SORCS3: variants seen among roughly 807,000 people sequenced by gnomAD.
The protein encoded by SORCS3 is sortilin related VPS10 domain containing receptor 3, also known as VPS10 domain-containing receptor SorCS3.
In SORCS3, 57 loss-of-function variants were observed where a neutral mutation model predicts 146.3. The observed-to-expected ratio is 0.39, with a 90% CI of 0.31 to 0.49. The LOEUF is 0.49. Ranked by LOEUF, SORCS3 falls within the 20% of genes least tolerant of loss-of-function variation. The pLI is 0.92. For synonymous variants in SORCS3, 653 were observed against 618.5 expected (o/e 1.06, Z -0.83); for missense variants, 1,341 against 1,575.5 (o/e 0.85, Z 2.52).
intron 5 of SORCS3, among the ~76,000 whole-genome samples, chr10:105,084,357 A>G (rs548149911): frequency 1.3e-5 from 2 of 152,340 alleles, no homozygotes; most frequent in South Asian, 4.1e-4. Flanking sequence ...ATTATTATAT[A>G]TACTTTCCCA....
intron 1 of SORCS3, among the ~76,000 whole-genome samples, chr10:104,767,233 G>T (rs1172665675): frequency 6.6e-6 from 1 of 152,182 alleles, no homozygotes; most frequent in African/African-American, 2.4e-5. Flanking sequence ...TTTACATAGA[G>T]AAAATGATCA....
At chr10:104,785,039 C>G (rs2017416467) in intron 1 of SORCS3, among the ~76,000 whole-genome samples, 1 of 152,050 alleles carries the variant, frequency 6.6e-6, no homozygotes, top group Non-Finnish European at 1.5e-5. Flanking sequence ...AGAGGCGCCC[C>G]TCACCTCCCG....
At chr10:104,814,248 G>T (rs2017771990) in intron 1 of SORCS3, among the ~76,000 whole-genome samples, 1 of 152,106 alleles carries the variant, frequency 6.6e-6, no homozygotes, top group African/African-American at 2.4e-5. Flanking sequence ...CCTACCTGCA[G>T]TGAGTAGTAT....
intron 1 of SORCS3, among the ~76,000 whole-genome samples, chr10:104,820,158 A>G (rs1022946921): frequency 6.6e-5 from 10 of 152,304 alleles, no homozygotes; most frequent in Middle Eastern, 3.4e-3. Flanking sequence ...TTGAAACATT[A>G]GGAGGGAACA....
At chr10:104,907,830 G>C (rs1016319875) in intron 2 of SORCS3, among the ~76,000 whole-genome samples, 5 of 152,228 alleles carry the variant, frequency 3.3e-5, no homozygotes, top group African/African-American at 1.2e-4. Context: ...TACCCACTTG[G>C]AGAATGAAGC....
intron 14 of SORCS3, among the ~76,000 whole-genome samples, chr10:105,192,972 T>C (rs1260131882): frequency 6.6e-6 from 1 of 152,210 alleles, no homozygotes; most frequent in East Asian, 1.9e-4. Context: ...TGTGGCATTC[T>C]TTCCACCTAA....
At chr10:104,676,556 C>T (rs1438931887) in intron 1 of SORCS3, among the ~76,000 whole-genome samples, 1 of 152,110 alleles carries the variant, frequency 6.6e-6, no homozygotes, top group Non-Finnish European at 1.5e-5. Context: ...CTCCTATGTT[C>T]CAGGTGCTCT....
At chr10:105,133,931 C>A (rs1338387256) in intron 7 of SORCS3, among the ~76,000 whole-genome samples, 2 of 152,112 alleles carry the variant, frequency 1.3e-5, no homozygotes, top group African/African-American at 2.4e-5. Context: ...GCACTCTAGC[C>A]TGGGTGACAG....
chr10:105,158,246 A>G (rs2056229438), intron 10 of SORCS3, among the ~76,000 whole-genome samples: 1 of 151,216 alleles, frequency 6.6e-6, no homozygotes, highest in African/African-American at 2.4e-5. Flanking sequence ...TCTTATTTGT[A>G]TTTGTTGTAC....
intron 6 of SORCS3, among the ~76,000 whole-genome samples, chr10:105,095,208 A>T (rs1442226880): frequency 6.6e-6 from 1 of 152,196 alleles, no homozygotes; most frequent in East Asian, 1.9e-4. Context: ...TCTCTGGAGC[A>T]CAAGGCAGCT....
At chr10:104,844,183 G>A (rs1163639610) in intron 2 of SORCS3, among the ~76,000 whole-genome samples, 1 of 152,154 alleles carries the variant, frequency 6.6e-6, no homozygotes, top group Non-Finnish European at 1.5e-5. Flanking sequence ...AGAGGTATAA[G>A]TAACTAGCAT....
chr10:104,725,257 C>T (rs1589474256), intron 1 of SORCS3, among the ~76,000 whole-genome samples: 1 of 152,180 alleles, frequency 6.6e-6, no homozygotes, highest in South Asian at 2.1e-4. Context: ...ACCCTGTTTG[C>T]CTGGGTATCA....
chr10:105,177,523 T>C (rs993629820), intron 13 of SORCS3, among the ~76,000 whole-genome samples: 9 of 152,160 alleles, frequency 5.9e-5, no homozygotes, highest in Admixed American at 2.0e-4. Context: ...GGATGAAAGA[T>C]GAGGCAGTGT....
chr10:105,084,634 T>G (rs919698525), intron 5 of SORCS3, among the ~76,000 whole-genome samples: 1 of 152,142 alleles, frequency 6.6e-6, no homozygotes, highest in African/African-American at 2.4e-5. Flanking sequence ...GGTGAGGAAG[T>G]GCAGTTCTTG....
intron 1 of SORCS3, among the ~76,000 whole-genome samples, chr10:104,687,264 C>G (rs1197284394): frequency 6.6e-6 from 1 of 152,180 alleles, no homozygotes; most frequent in East Asian, 1.9e-4. Flanking sequence ...TTTAAAAAAT[C>G]ATCCAACCAA....
intron 4 of SORCS3, among the ~76,000 whole-genome samples, chr10:105,027,876 T>C (rs1369426930): frequency 6.6e-6 from 1 of 152,240 alleles, no homozygotes; most frequent in East Asian, 1.9e-4. Flanking sequence ...AGCAGCTTCC[T>C]TGCTGTTGGC....
intron 7 of SORCS3, among the ~76,000 whole-genome samples, chr10:105,110,468 TTAAC>T (rs2055852328): frequency 6.6e-6 from 1 of 152,156 alleles, no homozygotes; most frequent in South Asian, 2.1e-4. Context: ...CTTTATATGT[TTAAC>T]TATTGCTTAT....
intron 4 of SORCS3, among the ~76,000 whole-genome samples, chr10:105,032,591 A>C (rs2055276533): frequency 6.6e-6 from 1 of 152,210 alleles, no homozygotes. Context: ...TATGTTTCAA[A>C]TGGCATTTCA....
rs1280075595 is a variant in SORCS3, at chr10:104,641,986, T to C, written c.627+32T>C. Reference sequence around the variant, plus strand: ...ACCCACCCGGCGGCGGGTCCGCCTGTTTCCTGACACCGAAGGGGAATGGGG... The same window carrying C: ...ACCCACCCGGCGGCGGGTCCGCCTGCTTCCTGACACCGAAGGGGAATGGGG... On this transcript the variant is annotated intron_variant, in intron 1 of 26. Coordinates refer to ENST00000369701, the MANE Select transcript of SORCS3 (RefSeq NM_014978.3). The surrounding 1 kb of genome is among the most constrained non-coding windows in gnomAD (Gnocchi z 6.4). 5.9e-6 allele frequency: 5 copies of C among 850,924 alleles called. No homozygotes were observed. The South Asian group carries it at 6.9e-5, about 12-fold the overall frequency. 52.7% of individuals were successfully genotyped at this position (850,924 alleles called of 1,614,324 possible).
Sources: gnomAD v4.1 joint callset for allele counts (sites outside exome capture counted in the v4.1 genomes callset) on GRCh38, gnomAD v4.1.1 for gene constraint, Gnocchi (gnomAD v3.1) non-coding constraint, MANE v1.5 for transcripts, NCBI Gene and HGNC (gene_info 2026-07-23, HGNC 2026-07-21) for gene names.